AGMO: variants seen among roughly 807,000 people sequenced by gnomAD.
The protein encoded by AGMO is glyceryl-ether monooxygenase.
Under a neutral mutation model 60.2 loss-of-function variants are expected in AGMO, and 75 were observed. The observed-to-expected ratio is 1.25, with a 90% CI of 1.03 to 1.51. The LOEUF (loss-of-function observed/expected upper bound fraction) is 1.51. Ranked by LOEUF, AGMO falls within the 40% of genes most tolerant of loss-of-function variation. AGMO has a pLI of 0.00. For missense variants in AGMO, 763 were observed against 525.5 expected (o/e 1.45, Z -4.42); for synonymous variants, 261 against 177.1 (o/e 1.47, Z -3.76).
chr7:15,485,650 G>A (rs947144594), intron 3 of AGMO, among the ~76,000 whole-genome samples: 10 of 152,088 alleles, frequency 6.6e-5, no homozygotes, highest in Non-Finnish European at 1.5e-4. Flanking sequence ...AGAAGTTAGG[G>A]CCTGATGGAG....
rs561190132 is a variant in AGMO at position 15,438,567 on chromosome 7, T to C, written c.410-7459A>G. The stretch of plus-strand genomic sequence containing the variant: ...GGAACTGTTTCATAATGATGCACTG[T>C]GAGTGATAATAACATGTTTTACTTT... On this transcript the variant is annotated intron_variant, in intron 3 of 12. Transcript: ENST00000342526. Among the ~76,000 whole-genome samples, 36 of 152,322 alleles carry C rather than the reference T, an allele frequency of 2.4e-4. No homozygotes were observed. In the Middle Eastern group the frequency reaches 0.01, roughly 43 times the overall value.
At chr7:15,144,738 G>A in the AGMO span, among the ~76,000 whole-genome samples, 1 of 152,176 alleles carries the variant, frequency 6.6e-6, no homozygotes, top group East Asian at 1.9e-4. Flanking sequence ...ATGTTAAGAT[G>A]TTCTGTATAC....
chr7:15,469,835 T>A (rs1011919535), intron 3 of AGMO, among the ~76,000 whole-genome samples: 1 of 152,030 alleles, frequency 6.6e-6, no homozygotes, highest in Non-Finnish European at 1.5e-5. Context: ...ATGCCACAGT[T>A]GGAAATATGA....
the AGMO span, among the ~76,000 whole-genome samples, chr7:15,189,813 AGT>A: frequency 1.4e-5 from 2 of 147,398 alleles, no homozygotes; most frequent in Admixed American, 6.7e-5. Context: ...GATAGTTTAC[AGT>A]TTTCAGAAAT....
chr7:15,187,925 C>T, the AGMO span, among the ~76,000 whole-genome samples: 3 of 151,812 alleles, frequency 2.0e-5, no homozygotes, highest in African/African-American at 7.3e-5. Context: ...ATGCATCTGG[C>T]TCCAACCTCA....
chr7:15,326,119 AACTT>A (rs1308666794), intron 12 of AGMO, among the ~76,000 whole-genome samples: 6 of 152,278 alleles, frequency 3.9e-5, no homozygotes, highest in African/African-American at 7.2e-5. Flanking sequence ...AAAAATATAA[AACTT>A]AATTTATGAT....
chr7:15,330,265 T>C (rs1781460405), intron 12 of AGMO, among the ~76,000 whole-genome samples: 1 of 152,144 alleles, frequency 6.6e-6, no homozygotes, highest in Non-Finnish European at 1.5e-5. Context: ...ATAATTTAAT[T>C]GTACACCCCT....
At chr7:15,293,376 A>C (rs12234493) in intron 12 of AGMO, among the ~76,000 whole-genome samples, 5 of 152,010 alleles carry the variant, frequency 3.3e-5, no homozygotes, top group African/African-American at 1.2e-4. Flanking sequence ...GATAGATTTC[A>C]GCATATAACT....
the AGMO span, among the ~76,000 whole-genome samples, chr7:15,151,831 G>C: frequency 6.6e-6 from 1 of 152,124 alleles, no homozygotes; most frequent in Non-Finnish European, 1.5e-5. Context: ...CATTTGGTCA[G>C]GGTTGACTTT....
chr7:15,397,317 C>T (rs1784431251), intron 5 of AGMO, among the ~76,000 whole-genome samples: 1 of 151,758 alleles, frequency 6.6e-6, no homozygotes, highest in African/African-American at 2.4e-5. Flanking sequence ...CCACCGAACC[C>T]GCAGCCGCCC....
intron 12 of AGMO, among the ~76,000 whole-genome samples, chr7:15,280,516 G>GAT (rs1305011702): frequency 2.0e-5 from 3 of 152,148 alleles, no homozygotes; most frequent in Non-Finnish European, 4.4e-5. Flanking sequence ...CACCCACCCT[G>GAT]ATAGCTTAAC....
At chr7:15,369,521 G>A (rs1562464357) in intron 10 of AGMO, among the ~76,000 whole-genome samples, 1 of 152,014 alleles carries the variant, frequency 6.6e-6, no homozygotes, top group Non-Finnish European at 1.5e-5. Context: ...TGCTTGAAAT[G>A]ACTTCCCCTA....
intron 12 of AGMO, among the ~76,000 whole-genome samples, chr7:15,237,010 T>C (rs1332013455): frequency 6.6e-6 from 1 of 152,118 alleles, no homozygotes; most frequent in East Asian, 1.9e-4. Context: ...TAAAAAGTGA[T>C]GAAACCTTTA....
At chr7:15,364,568 TGC>T (rs1475409854) in intron 12 of AGMO, among the ~76,000 whole-genome samples, 2 of 152,048 alleles carry the variant, frequency 1.3e-5, no homozygotes, top group East Asian at 3.8e-4. Context: ...CAAATAATGC[TGC>T]AAGGAATAAT....
the AGMO span, among the ~76,000 whole-genome samples, chr7:15,186,263 G>T: frequency 4.6e-5 from 7 of 152,312 alleles, no homozygotes; most frequent in African/African-American, 1.7e-4. Flanking sequence ...AGCATTTTTG[G>T]TCAGTTTTGA....
intron 12 of AGMO, among the ~76,000 whole-genome samples, chr7:15,315,178 AG>A (rs2128534358): frequency 6.6e-6 from 1 of 152,154 alleles, no homozygotes; most frequent in African/African-American, 2.4e-5. Context: ...TGGCACATAG[AG>A]GTATGAAATA....
At chr7:15,338,458 T>G (rs564503843) in intron 12 of AGMO, among the ~76,000 whole-genome samples, 112 of 101,278 alleles carry the variant, frequency 1.1e-3, no homozygotes, top group African/African-American at 6.4e-3. Flanking sequence ...GGCATTGTGA[T>G]GCTCTGATCT....
At chr7:15,351,922 T>G (rs1782256761) in intron 12 of AGMO, among the ~76,000 whole-genome samples, 1 of 152,206 alleles carries the variant, frequency 6.6e-6, no homozygotes, top group Non-Finnish European at 1.5e-5. Flanking sequence ...TGTTACACAG[T>G]AACATATGAA....
In AGMO at chr7:15,439,898, C is replaced by T. The variant is rs188196789; in HGVS notation, c.410-8790G>A. Among the ~76,000 whole-genome samples the T allele has an allele frequency of 2.2e-3, 328 of 152,222 alleles. 1 individual carries two copies. The highest frequency in any genetic ancestry group is 6.5e-3 in the African/African-American group (272 of 41,554). ...TGTTAGGAACTGGGATGAGACCCCCCGACCCTGTCTCTTGCTTCCAATCTC... is the reference window on the plus strand; with the variant it reads ...TGTTAGGAACTGGGATGAGACCCCCTGACCCTGTCTCTTGCTTCCAATCTC... On this transcript the variant is annotated intron_variant, in intron 3 of 12. Coordinates refer to ENST00000342526, the MANE Select transcript of AGMO (RefSeq NM_001004320.2).
Sources: allele counts gnomAD v4.1 joint callset (sites outside exome capture counted in the v4.1 genomes callset), GRCh38; gene constraint gnomAD v4.1.1; transcripts MANE v1.5; gene names NCBI Gene and HGNC (gene_info 2026-07-23, HGNC 2026-07-21).